The following PECAM1 variants were observed in gnomAD, a reference collection of about 807,000 sequenced individuals.
PECAM1 encodes platelet and endothelial cell adhesion molecule 1, also known as platelet endothelial cell adhesion molecule.
PECAM1 carries 8 observed loss-of-function variants against 13.8 expected under a neutral mutation model. The ratio of observed to expected loss-of-function variants is 0.58; its 90% CI spans 0.34 to 1.05. The LOEUF is 1.05. PECAM1 is among the 50% of genes least tolerant of loss of function. PECAM1 has a pLI of 0.03. For synonymous variants in PECAM1, 136 were observed against 52.6 expected (o/e 2.58, Z -6.86); for missense variants, 304 against 141.2 (o/e 2.15, Z -5.84).
At chr17:64,353,057 T>A (rs1277250763) in intron 10 of PECAM1, among the ~76,000 whole-genome samples, 1 of 152,170 alleles carries the variant, frequency 6.6e-6, no homozygotes, top group East Asian at 1.9e-4. Flanking sequence ...TATCCCACGC[T>A]ACTGTTTCTC....
intron 5 of PECAM1, among the ~76,000 whole-genome samples, 187 bp downstream of exon 5, chr17:64,369,563 G>C (rs901120831): frequency 0.066 from 10,032 of 152,170 alleles, 1,119 homozygotes; most frequent in African/African-American, 0.23. Context: ...CCCTCAACAC[G>C]CACAGTAGAC....
chr17:64,325,094 T>C (rs1381371706), intron 15 of PECAM1, among the ~76,000 whole-genome samples: 1 of 152,116 alleles, frequency 6.6e-6, no homozygotes, highest in Non-Finnish European at 1.5e-5. Flanking sequence ...CACTGGAAAA[T>C]GGTGAATTTG....
intron 5 of PECAM1, among the ~76,000 whole-genome samples, chr17:64,369,041 A>G (rs1314065938): frequency 7.3e-6 from 1 of 137,824 alleles, no homozygotes; most frequent in Non-Finnish European, 1.5e-5. Context: ...GGTTCAAGAG[A>G]TTCTTGTGCC....
intron 7 of PECAM1, among the ~76,000 whole-genome samples, chr17:64,356,658 G>T (rs925678080): frequency 8.0e-4 from 121 of 151,920 alleles, no homozygotes; most frequent in Admixed American, 3.0e-3. Context: ...GGATTTTTTT[G>T]TTGTTGTTGT....
intron 4 of PECAM1, among the ~76,000 whole-genome samples, chr17:64,371,442 C>T (rs1001490678): frequency 6.6e-6 from 1 of 152,016 alleles, no homozygotes; most frequent in Admixed American, 6.6e-5. Context: ...GAGGCTGAGG[C>T]AGGAGAACTG....
rs554381936 is a variant in PECAM1, at chr17:64,322,201, C to G, written c.*1615G>C. 1 of 494,242 alleles carries G rather than the reference C, an allele frequency of 2.0e-6. No homozygotes were observed. The highest frequency in any genetic ancestry group is 2.1e-5 in the African/African-American group (1 of 47,292). The allele number at this position is 494,242 out of a possible 1,614,324, so 30.6% of individuals were successfully genotyped here. On this transcript the variant is annotated 3_prime_UTR_variant, in exon 16 of 16. Transcript: ENST00000563924. ...AGGCATTCGAGATCAGCCTGGCCAA[C>G]GTGGTGAAACCCCATCTCTACTAAA...
Position 64,375,291 on chromosome 17 carries a change from T to C in PECAM1, c.451A>G (p.Asn151Asp). ...GCCTTTTCCTCTGGGACAGAACAGT[T>C]GACCCTCACGATCCCACCTTGGATG... ...EAIQGGIVRV[N>D]CSVPEEKAPI... is the part of the protein sequence containing the mutation. Residue 151 changes from asparagine to aspartate, a missense_variant, in exon 4 of 16, where the codon AAC (asparagine) becomes GAC (aspartate). Physicochemically the swap from Asn to Asp is conservative, Grantham distance 23 (BLOSUM62 1). Transcript: ENST00000563924. 1 of 475,320 alleles carries C rather than the reference T, an allele frequency of 2.1e-6. No individual in the cohort carries two copies. The highest frequency in any genetic ancestry group is 3.9e-6 in the Non-Finnish European group (1 of 259,020). 29.4% of individuals were successfully genotyped at this position (475,320 alleles called of 1,614,324 possible).
chr17:64,344,482 T>C (rs1196362923), intron 13 of PECAM1, among the ~76,000 whole-genome samples: 3 of 152,046 alleles, frequency 2.0e-5, no homozygotes, highest in Non-Finnish European at 4.4e-5. Context: ...AGAGCAAACA[T>C]GCAGCAAACC....
intron 5 of PECAM1, among the ~76,000 whole-genome samples, chr17:64,366,900 A>T (rs1216460912): frequency 1.3e-5 from 2 of 150,470 alleles, no homozygotes; most frequent in Non-Finnish European, 3.0e-5. Flanking sequence ...GGTGCGGTAC[A>T]CCAGCATGGC....
At chr17:64,354,062 C>T (rs2143787020) in intron 9 of PECAM1, among the ~76,000 whole-genome samples, 1 of 151,946 alleles carries the variant, frequency 6.6e-6, no homozygotes, top group East Asian at 1.9e-4. Flanking sequence ...GCCTCAGCCT[C>T]CTGAGTAGCT....
chr17:64,370,088 C>G (rs2036206425), intron 4 of PECAM1, 63 bp from the exon 5 acceptor site: 1 of 398,338 alleles, frequency 2.5e-6, no homozygotes, highest in Non-Finnish European at 4.4e-6. Context: ...GGAGCCTCTT[C>G]TGCTCTTTTT....
At chr17:64,338,112 T>C (rs2035330405) in intron 14 of PECAM1, among the ~76,000 whole-genome samples, 1 of 152,004 alleles carries the variant, frequency 6.6e-6, no homozygotes, top group East Asian at 1.9e-4. Flanking sequence ...CACAGTTCAC[T>C]GCAGCCTCCA....
rs2143821786 is a variant in PECAM1, at chr17:64,363,387, G to A, written c.978C>T (p.Ser326=). Residue 326 remains serine, a synonymous_variant, in exon 6 of 16, where the codon TCC becomes TCT. Transcript: ENST00000563924. ...SIVVNITELF[S]KPELESSFTH... ...TGAAGGAAGATTCCAGTTCGGGCTT[G>A]GAAAATAGTTCTGAAAAACAGTGAG... 2 of 475,408 alleles carry A rather than the reference G, an allele frequency of 4.2e-6. No individual in the cohort carries two copies. The highest frequency in any genetic ancestry group is 7.7e-6 in the Non-Finnish European group (2 of 259,120). 29.4% of individuals were successfully genotyped at this position (475,408 alleles called of 1,614,324 possible).
In PECAM1 at chr17:64,380,914, G is replaced by GAGGCAC. The variant is rs1428371265; in HGVS notation, c.92-2803_92-2798dup. On this transcript the variant is annotated intron_variant, in intron 2 of 15. Coordinates refer to ENST00000563924, the MANE Select transcript of PECAM1 (RefSeq NM_000442.5). ...AGGCAGGGGAATCACTTGAACCTGG[G>GAGGCAC]AGGCACAGGTTGCAGTAAGTTGAGA... is the stretch of plus-strand genomic sequence containing the variant. Among the ~76,000 whole-genome samples the GAGGCAC allele has an allele frequency of 7.0e-4, 106 of 152,248 alleles. 1 individual carries two copies. The highest frequency in any genetic ancestry group is 1.8e-3 in the Admixed American group (28 of 15,280).
intron 14 of PECAM1, among the ~76,000 whole-genome samples, chr17:64,337,917 T>C (rs2035324641): frequency 6.6e-6 from 1 of 152,022 alleles, no homozygotes; most frequent in Non-Finnish European, 1.5e-5. Context: ...TCTTCCTTTT[T>C]TTTTTTTTTT....
At chr17:64,371,820 A>G (rs2036247272) in intron 4 of PECAM1, among the ~76,000 whole-genome samples, 1 of 152,068 alleles carries the variant, frequency 6.6e-6, no homozygotes, top group African/African-American at 2.4e-5. Flanking sequence ...ACAGAGTGAG[A>G]CTCCATCTCA....
intron 2 of PECAM1, among the ~76,000 whole-genome samples, chr17:64,386,403 CAA>C (rs59994359): frequency 1.1e-4 from 12 of 113,096 alleles, no homozygotes; most frequent in Non-Finnish European, 1.3e-4. Flanking sequence ...GAGACTCTGT[CAA>C]AAAAAAAAAA....
At chr17:64,346,116 G>A (rs2035561986) in intron 13 of PECAM1, among the ~76,000 whole-genome samples, 1 of 152,174 alleles carries the variant, frequency 6.6e-6, no homozygotes, top group African/African-American at 2.4e-5. Context: ...CCCCAGGCCT[G>A]CCTGGCTAGG....
rs1231568707 is a variant in PECAM1 at position 64,384,683 on chromosome 17, C to T, written c.91+5806G>A. ...CAGTCAAGCCTTCAGATAACCGCAA[C>T]CCTGACCAACAATTTATCTGCAATC... On this transcript the variant is annotated intron_variant, in intron 2 of 15. Transcript: ENST00000563924. 2.6e-5 allele frequency among the ~76,000 whole-genome samples: 4 copies of T among 152,304 alleles called. No individual in the cohort carries two copies. In the South Asian group the frequency reaches 6.2e-4, roughly 24 times the overall value.
Sources: gnomAD v4.1 joint callset for allele counts (sites outside exome capture counted in the v4.1 genomes callset) on GRCh38, gnomAD v4.1.1 for gene constraint, MANE v1.5 for transcripts, NCBI Gene and HGNC (gene_info 2026-07-23, HGNC 2026-07-21) for gene names.